The following NWD1 variants were observed in gnomAD, a reference collection of about 807,000 sequenced individuals.
The protein encoded by NWD1 is NACHT domain- and WD repeat-containing protein 1.
A neutral mutation model predicts 135.1 loss-of-function variants in NWD1; 129 were observed. The observed-to-expected ratio is 0.96, with a 90% confidence interval of 0.83 to 1.11. NWD1 has a LOEUF of 1.11. NWD1 is among the 50% of genes least tolerant of loss of function. NWD1 has a pLI of 0.00. For synonymous variants in NWD1, 773 were observed against 786.0 expected, an observed-to-expected ratio of 0.98 and a Z score of 0.28; for missense variants, 1,740 against 1,851.3, an observed-to-expected ratio of 0.94 and a Z score of 1.10.
intron 10 of NWD1, among the ~76,000 whole-genome samples, chr19:16,767,982 C>CTTTTTTTTTT (rs963453075): frequency 6.0e-5 from 5 of 83,600 alleles, no homozygotes; most frequent in Non-Finnish European, 6.7e-5. Flanking sequence ...AATTTCCTTC[C>CTTTTTTTTTT]TTTTTTTTTT....
intron 12 of NWD1, among the ~76,000 whole-genome samples, chr19:16,785,906 C>A (rs765415711): frequency 2.0e-5 from 3 of 151,468 alleles, no homozygotes; most frequent in Non-Finnish European, 4.4e-5. Context: ...ACTCTGTCGC[C>A]CAGGCTGGAG....
intron 5 of NWD1, among the ~76,000 whole-genome samples, chr19:16,745,588 A>G (rs1342011429): frequency 1.3e-5 from 2 of 152,018 alleles, no homozygotes; most frequent in Admixed American, 6.6e-5. Context: ...AAACTTTTAA[A>G]AATTTGCCAA....
At chr19:16,787,366 G>A (rs1435295971) in intron 12 of NWD1, among the ~76,000 whole-genome samples, 2 of 152,020 alleles carry the variant, frequency 1.3e-5, no homozygotes, top group South Asian at 2.1e-4. Context: ...CCTTTTTTAC[G>A]TGGTTATTAA....
chr19:16,736,625 A>G lies in NWD1; in HGVS notation c.82-9A>G. The G allele has an allele frequency of 4.7e-6, 7 of 1,497,278 alleles. No homozygotes were observed. The highest frequency in any genetic ancestry group is 5.4e-6 in the Non-Finnish European group (6 of 1,111,618). 92.7% of individuals were successfully genotyped at this position (1,497,278 alleles called of 1,614,324 possible). A position where few individuals can be genotyped will look rare whatever the true frequency, so the allele number is the denominator to read the frequency against. On this transcript the variant is annotated splice_polypyrimidine_tract_variant and intron_variant, in intron 3 of 18. Coordinates refer to ENST00000524140, the MANE Select transcript of NWD1 (RefSeq NM_001007525.5). ...ACCTCTCTGACAAACTTGTGTTTCT[A>G]TTTCCCAGGTCGTTGATCTGAGGTG... is the stretch of plus-strand genomic sequence containing the variant.
chr19:16,722,260 CT>C (rs1967166568), intron 1 of NWD1, among the ~76,000 whole-genome samples: 1 of 150,994 alleles, frequency 6.6e-6, no homozygotes, highest in Non-Finnish European at 1.5e-5. Context: ...AATAGTGCCA[CT>C]GCACTCCAGC....
chr19:16,752,271 A>G (rs1313463112), intron 6 of NWD1, among the ~76,000 whole-genome samples: 5 of 151,992 alleles, frequency 3.3e-5, no homozygotes, highest in Non-Finnish European at 7.4e-5. Context: ...GTTACCACAA[A>G]TTCATCTAGA....
chr19:16,749,279 G>A lies in NWD1; in HGVS notation c.637G>A (p.Asp213Asn), dbSNP rs1483586082. 1 of 1,614,022 alleles carries A rather than the reference G, an allele frequency of 6.2e-7. No individual in the cohort carries two copies. The highest frequency in any genetic ancestry group is 1.1e-5 in the South Asian group (1 of 91,072). ...CCTTAGGATGGTGGACCGGCTCGCG[G>A]ATGGCTGCCTGGACGCTGATGCCCA... is the stretch of plus-strand genomic sequence containing the variant. ...CALRMVDRLA[D>N]GCLDADAQNL... The change falls in exon 6 of 19, where the codon GAT (aspartate) becomes AAT (asparagine). Residue 213 changes from aspartate to asparagine, a missense_variant. Physicochemically the swap from Asp to Asn is conservative, Grantham distance 23. Coordinates refer to ENST00000524140, the MANE Select transcript of NWD1 (RefSeq NM_001007525.5).
At chr19:16,763,394 C>G (rs1425894964) in intron 8 of NWD1, among the ~76,000 whole-genome samples, 1 of 152,136 alleles carries the variant, frequency 6.6e-6, no homozygotes, top group Non-Finnish European at 1.5e-5. Context: ...CTTACAAGCT[C>G]CCTACTCTCA....
At position 16,765,070 on chromosome 19, in the gene NWD1, G is replaced by A. The variant is rs201801544; in HGVS notation, c.2288G>A (p.Gly763Glu). The A allele has an allele frequency of 1.5e-5, 25 of 1,613,992 alleles. No homozygotes were observed. The highest frequency in any genetic ancestry group is 2.1e-5 in the Non-Finnish European group (25 of 1,180,028). ...MSWISCRGIS[G>E]GIEDLLDDFD... ...TGGATTTCCTGCCGGGGCATCTCTG[G>A]GGGCATTGAAGACCTGCTGGATGAC... Residue 763 changes from glycine (G) to glutamate (E), a missense_variant, in exon 10 of 19, where the codon GGG becomes GAG. Physicochemically the swap from Gly to Glu is moderately conservative, Grantham distance 98. Transcript: ENST00000524140.
chr19:16,779,260 TGGG>T, intron 11 of NWD1, 80 bp from the exon 12 acceptor site: 1 of 1,487,000 alleles, frequency 6.7e-7, no homozygotes, highest in Non-Finnish European at 9.4e-7. Flanking sequence ...ATCTGTGAAG[TGGG>T]GGGCTCATTA....
At chr19:16,751,042 G>A (rs191014257) in intron 6 of NWD1, among the ~76,000 whole-genome samples, 3 of 151,738 alleles carry the variant, frequency 2.0e-5, no homozygotes, top group Non-Finnish European at 4.4e-5. Context: ...ACAAAACATG[G>A]AGAAACTCTG....
intron 3 of NWD1, among the ~76,000 whole-genome samples, chr19:16,733,645 C>T (rs150696874): frequency 1.3e-5 from 2 of 152,230 alleles, no homozygotes; most frequent in East Asian, 3.9e-4. Flanking sequence ...TTCCACTCTG[C>T]CCACCATTGA....
intron 18 of NWD1, among the ~76,000 whole-genome samples, chr19:16,810,304 G>A (rs1392495545): frequency 6.6e-6 from 1 of 151,986 alleles, no homozygotes; most frequent in African/African-American, 2.4e-5. Flanking sequence ...CCTGCATGGT[G>A]GTATGTGCCT....
At chr19:16,772,054 C>T (rs531318756) in intron 10 of NWD1, among the ~76,000 whole-genome samples, 179 of 152,208 alleles carry the variant, frequency 1.2e-3, no homozygotes, top group Admixed American at 5.4e-3. Flanking sequence ...TATATCCCTC[C>T]TCTGATCCTA....
chr19:16,743,179 G>A (rs1354366800), intron 4 of NWD1, among the ~76,000 whole-genome samples: 2 of 151,298 alleles, frequency 1.3e-5, no homozygotes, highest in African/African-American at 4.9e-5. Context: ...CCAAAGTGTT[G>A]AGATTACAGG....
At chr19:16,812,625 C>T (rs1970956772) in intron 18 of NWD1, 4 of 698,030 alleles carry the variant, frequency 5.7e-6, no homozygotes, top group Non-Finnish European at 7.9e-6. Context: ...GCTGAGATCA[C>T]ACCACTGCAC....
Position 16,736,616 on chromosome 19 carries a change from TG to T in NWD1, c.82-17del. 6.9e-7 allele frequency: 1 copy of T among 1,442,336 alleles called. No homozygotes were observed. The highest frequency in any genetic ancestry group is 1.2e-5 in the South Asian group (1 of 82,186). The allele number at this position is 1,442,336 out of a possible 1,614,324, so 89.3% of individuals were successfully genotyped here. On this transcript the variant is annotated splice_polypyrimidine_tract_variant and intron_variant, in intron 3 of 18. Transcript: ENST00000524140. ...TGTCATGCCACCTCTCTGACAAACT[TG>T]TGTTTCTATTTCCCAGGTCGTTGAT...
intron 6 of NWD1, among the ~76,000 whole-genome samples, chr19:16,753,829 TCATCCATCCATCCATCCATC>T (rs79060014): frequency 7.4e-6 from 1 of 135,028 alleles, no homozygotes; most frequent in East Asian, 2.4e-4. Context: ...ATCATCTCTA[TCATCCATCCATCCATCCATC>T]CATCCATCCA....
At chr19:16,810,210 G>T (rs887160743) in intron 18 of NWD1, among the ~76,000 whole-genome samples, 1 of 152,034 alleles carries the variant, frequency 6.6e-6, no homozygotes, top group South Asian at 2.1e-4. Flanking sequence ...GGCTGAGGCG[G>T]GTGGATCACC....
Sources: gnomAD v4.1 joint callset for allele counts (sites outside exome capture counted in the v4.1 genomes callset) on GRCh38, gnomAD v4.1.1 for gene constraint, MANE v1.5 for transcripts, NCBI Gene and HGNC (gene_info 2026-07-23, HGNC 2026-07-21) for gene names.